Variants in NBEA observed in about 807,000 individuals in gnomAD.
The protein encoded by NBEA is neurobeachin, also known as lysosomal-trafficking regulator 2.
A neutral mutation model predicts 343.4 loss-of-function variants in NBEA; 44 were observed. The ratio of observed to expected loss-of-function variants is 0.13; its 90% confidence interval spans 0.10 to 0.16. The LOEUF is 0.16. Among genes scored for constraint, NBEA ranks in the 10% least tolerant of loss-of-function variants. NBEA has a pLI of 1.00. For missense variants in NBEA, 2,555 were observed against 3,631.3 expected (o/e 0.70, Z 7.62); for synonymous variants, 1,175 against 1,238.7 (o/e 0.95, Z 1.08).
chr13:35,575,119 A>G (rs1238149894), intron 45 of NBEA, among the ~76,000 whole-genome samples: 2 of 152,186 alleles, frequency 1.3e-5, no homozygotes, highest in African/African-American at 4.8e-5. Flanking sequence ...ATTCCACCCT[A>G]TGAAAAACTA....
rs545583475 is a variant in NBEA, at chr13:35,261,290, A to T, written c.5776+28671A>T. ...CACTTTGGCAGGCTGAGGCGGGTGG[A>T]TCACCTAGGTAAGGAGTTCGAGACC... On this transcript the variant is annotated intron_variant, in intron 34 of 58. Transcript: ENST00000379939. 2.1e-4 allele frequency among the ~76,000 whole-genome samples: 32 copies of T among 152,252 alleles called. 1 individual carries two copies. In the South Asian group the frequency reaches 6.4e-3, roughly 31 times the overall value.
At chr13:35,028,664 A>G (rs942318609) in intron 1 of NBEA, among the ~76,000 whole-genome samples, 13 of 151,780 alleles carry the variant, frequency 8.6e-5, no homozygotes, top group African/African-American at 3.1e-4. Context: ...CTGCATAGAA[A>G]TTCCAGTACT....
At chr13:35,511,098 G>A (rs914950460) in intron 41 of NBEA, among the ~76,000 whole-genome samples, 9 of 152,110 alleles carry the variant, frequency 5.9e-5, no homozygotes, top group Admixed American at 1.3e-4. Context: ...AAAATAATGT[G>A]ATCCATTTAA....
intron 36 of NBEA, among the ~76,000 whole-genome samples, chr13:35,331,397 T>A (rs1289684681): frequency 6.6e-6 from 1 of 152,006 alleles, no homozygotes; most frequent in Non-Finnish European, 1.5e-5. Context: ...TGACAAAAAC[T>A]GAAATTAAGA....
intron 49 of NBEA, among the ~76,000 whole-genome samples, chr13:35,633,614 T>TA (rs1316745800): frequency 1.3e-5 from 2 of 152,082 alleles, no homozygotes; most frequent in Admixed American, 1.3e-4. Flanking sequence ...TGAGTGACAT[T>TA]AAGTCAGTCA....
chr13:35,225,006 T>C (rs1441788579), intron 33 of NBEA, among the ~76,000 whole-genome samples: 1 of 152,168 alleles, frequency 6.6e-6, no homozygotes. Flanking sequence ...ATTTCTCTAC[T>C]TTTACTTTGT....
chr13:35,208,957 A>G, intron 32 of NBEA, 103 bp downstream of exon 32: 3 of 899,246 alleles, frequency 3.3e-6, no homozygotes, highest in Non-Finnish European at 4.8e-6. Flanking sequence ...ATCATTTAAG[A>G]TTATCTTAAT....
chr13:35,147,634 G>A (rs1436828940), intron 18 of NBEA, among the ~76,000 whole-genome samples: 2 of 152,184 alleles, frequency 1.3e-5, no homozygotes, highest in African/African-American at 4.8e-5. Flanking sequence ...AGAGGGAGAA[G>A]CTGTGGGTGC....
At chr13:35,132,875 G>T (rs2067502558) in intron 17 of NBEA, among the ~76,000 whole-genome samples, 2 of 152,076 alleles carry the variant, frequency 1.3e-5, no homozygotes, top group Non-Finnish European at 2.9e-5. Flanking sequence ...TGTGGTATGT[G>T]TATTATAGTT....
At chr13:35,120,955 T>A (rs1293230063) in intron 16 of NBEA, among the ~76,000 whole-genome samples, 3 of 152,212 alleles carry the variant, frequency 2.0e-5, no homozygotes, top group Middle Eastern at 3.2e-3. Flanking sequence ...ATTTTCATGT[T>A]TCAACATTAG....
At chr13:35,220,619 A>G (rs1322037835) in intron 33 of NBEA, among the ~76,000 whole-genome samples, 1 of 151,942 alleles carries the variant, frequency 6.6e-6, no homozygotes, top group Non-Finnish European at 1.5e-5. Flanking sequence ...CTCCACTCCA[A>G]CCCACCTGAT....
chr13:35,424,057 C>T (rs1460526099), intron 38 of NBEA, among the ~76,000 whole-genome samples: 3 of 152,206 alleles, frequency 2.0e-5, no homozygotes, highest in East Asian at 1.9e-4. Context: ...TGGGCTGAGA[C>T]CATGGGGTTT....
intron 41 of NBEA, among the ~76,000 whole-genome samples, chr13:35,492,264 G>A (rs776622471): frequency 3.3e-5 from 5 of 151,650 alleles, no homozygotes; most frequent in Admixed American, 6.6e-5. Context: ...TCAAGAGATG[G>A]GTGCACCAAA....
intron 17 of NBEA, among the ~76,000 whole-genome samples, chr13:35,130,545 G>A (rs1199118904): frequency 6.6e-6 from 1 of 151,952 alleles, no homozygotes; most frequent in Non-Finnish European, 1.5e-5. Flanking sequence ...AGTTTCAAAT[G>A]CGTATACACT....
intron 33 of NBEA, among the ~76,000 whole-genome samples, chr13:35,229,296 C>T (rs1343175144): frequency 2.0e-5 from 3 of 152,058 alleles, no homozygotes; most frequent in South Asian, 2.1e-4. Flanking sequence ...TCTTCCAAAG[C>T]GCTGGAATTA....
intron 55 of NBEA, among the ~76,000 whole-genome samples, chr13:35,660,965 G>C (rs1342801529): frequency 2.6e-5 from 4 of 152,126 alleles, no homozygotes; most frequent in African/African-American, 9.7e-5. Flanking sequence ...GGATGTATTG[G>C]AACATCGATG....
intron 34 of NBEA, among the ~76,000 whole-genome samples, chr13:35,283,708 A>C (rs1174917193): frequency 2.0e-5 from 3 of 152,198 alleles, no homozygotes; most frequent in East Asian, 1.9e-4. Context: ...ACAGTAATAC[A>C]TAAGGATTTT....
chr13:35,474,218 TTTA>T (rs766833954), intron 41 of NBEA: 35 of 152,624 alleles, frequency 2.3e-4, no homozygotes, highest in Non-Finnish European at 4.4e-4. Context: ...TTTTACTTCA[TTTA>T]TTACCATCTA....
intron 38 of NBEA, among the ~76,000 whole-genome samples, chr13:35,369,106 A>G (rs1473125366): frequency 7.2e-6 from 1 of 138,592 alleles, no homozygotes; most frequent in Non-Finnish European, 1.5e-5. Flanking sequence ...ATAGTGAGAG[A>G]TAGGAGTCCG....
Sources: gnomAD v4.1 joint callset for allele counts (sites outside exome capture counted in the v4.1 genomes callset) on GRCh38, gnomAD v4.1.1 for gene constraint, MANE v1.5 for transcripts, NCBI Gene and HGNC (gene_info 2026-07-23, HGNC 2026-07-21) for gene names.